TRPC5: variants seen among roughly 807,000 people sequenced by gnomAD.
The protein encoded by TRPC5 is transient receptor potential cation channel subfamily C member 5.
In TRPC5, 9 loss-of-function variants were observed where a neutral mutation model predicts 56.5. That is an observed-to-expected ratio of 0.16 (90% CI 0.10 to 0.28). The LOEUF is 0.28. Ranked by LOEUF, TRPC5 falls within the 10% of genes least tolerant of loss-of-function variation. The pLI, the probability that TRPC5 is intolerant of heterozygous loss-of-function variation, is 1.00. For synonymous variants in TRPC5, 282 were observed against 278.5 expected, an observed-to-expected ratio of 1.01 and a Z score of -0.13; for missense variants, 469 against 748.9, an observed-to-expected ratio of 0.63 and a Z score of 4.36.
chrX:111,896,110 GC>G (rs755876462), intron 3 of TRPC5: 1 of 111,061 alleles, frequency 9.0e-6, no homozygotes, highest in South Asian at 3.8e-4. Context: ...AGAAAAACTA[GC>G]CCTGCATTTT....
chrX:111,919,238 A>G (rs1428169002), intron 2 of TRPC5, among the ~76,000 whole-genome samples: 5 of 111,646 alleles, frequency 4.5e-5, no homozygotes, highest in Non-Finnish European at 9.4e-5. Context: ...GTAGCTAGCT[A>G]GAGGTTTGTA....
chrX:112,051,451 T>A (rs780243780), intron 1 of TRPC5, among the ~76,000 whole-genome samples: 2 of 111,649 alleles, frequency 1.8e-5, no homozygotes, highest in East Asian at 5.7e-4. Context: ...ATCCACTGTC[T>A]GCCTCAATAA....
At chrX:111,828,984 A>T (rs1922320327) in intron 7 of TRPC5, among the ~76,000 whole-genome samples, 1 of 112,016 alleles carries the variant, frequency 8.9e-6, no homozygotes, top group Non-Finnish European at 1.9e-5. Flanking sequence ...ATTTCAAAGC[A>T]GCAAAGCATT....
intron 7 of TRPC5, among the ~76,000 whole-genome samples, chrX:111,795,984 A>C (rs1171873537): frequency 9.1e-6 from 1 of 110,122 alleles, no homozygotes; most frequent in Non-Finnish European, 1.9e-5. Context: ...CAAGTCTTTG[A>C]GGTTCTGTTC....
intron 3 of TRPC5, among the ~76,000 whole-genome samples, chrX:111,910,823 C>A (rs761682583): frequency 2.8e-4 from 32 of 113,048 alleles, no homozygotes; most frequent in African/African-American, 8.7e-4. Flanking sequence ...TGAGCCACCA[C>A]ACCCCGCCCA....
intron 1 of TRPC5, among the ~76,000 whole-genome samples, chrX:111,979,944 G>A (rs1024442411): frequency 3.6e-5 from 4 of 111,525 alleles, no homozygotes; most frequent in Non-Finnish European, 3.8e-5. Context: ...TACATGTACC[G>A]TATGATCCAG....
At chrX:111,928,830 C>A (rs1017424728) in intron 2 of TRPC5, among the ~76,000 whole-genome samples, 2 of 112,241 alleles carry the variant, frequency 1.8e-5, no homozygotes, top group African/African-American at 3.2e-5. Context: ...TGCCCCACAT[C>A]TGAAACTTGA....
chrX:111,822,971 G>A (rs774633272), intron 7 of TRPC5, among the ~76,000 whole-genome samples: 4 of 111,623 alleles, frequency 3.6e-5, no homozygotes, highest in Admixed American at 1.9e-4. Context: ...TTTGGTTGCC[G>A]TTTAGGACAG....
At chrX:111,810,095 A>G (rs1296231562) in intron 7 of TRPC5, among the ~76,000 whole-genome samples, 3 of 110,146 alleles carry the variant, frequency 2.7e-5, no homozygotes, top group Non-Finnish European at 5.7e-5. Flanking sequence ...TTGTATTTTT[A>G]GTAGAGATGG....
chrX:111,880,293 AT>A (rs1924149403), intron 3 of TRPC5, among the ~76,000 whole-genome samples: 1 of 112,253 alleles, frequency 8.9e-6, no homozygotes, highest in Non-Finnish European at 1.9e-5. Flanking sequence ...TTGCCATCAT[AT>A]TCCCAGTCTC....
intron 3 of TRPC5, among the ~76,000 whole-genome samples, chrX:111,861,276 T>C (rs1260464697): frequency 8.9e-6 from 1 of 112,189 alleles, no homozygotes; most frequent in Non-Finnish European, 1.9e-5. Context: ...GAAAACTTTG[T>C]GGTGCTTTTA....
In TRPC5 at chrX:111,936,151, A is replaced by G. The variant is rs926081482; in HGVS notation, c.378+15892T>C. Among the ~76,000 whole-genome samples the G allele has an allele frequency of 8.1e-5, 9 of 111,120 alleles. No homozygotes were observed. In the East Asian group the frequency reaches 2.5e-3, roughly 31 times the overall value. On this transcript the variant is annotated intron_variant, in intron 2 of 10. Transcript: ENST00000262839. ...ATCTTGCCTCAGTGTTTTATAGTAT[A>G]AATTGTAGAAGTCTTTCACTTCTTT...
chrX:111,822,898 T>C (rs1236186195), intron 7 of TRPC5, among the ~76,000 whole-genome samples: 1 of 111,539 alleles, frequency 9.0e-6, no homozygotes, highest in Non-Finnish European at 1.9e-5. Context: ...CAATTACTGA[T>C]GTTCCCGATG....
At chrX:111,962,846 G>A (rs1927423046) in intron 1 of TRPC5, among the ~76,000 whole-genome samples, 1 of 111,900 alleles carries the variant, frequency 8.9e-6, no homozygotes, top group Non-Finnish European at 1.9e-5. Flanking sequence ...GCCGGGGGTG[G>A]AGCCAAGATG....
intron 8 of TRPC5, 82 bp from the exon 9 acceptor site, chrX:111,781,288 C>A (rs1271927694): frequency 1.1e-6 from 1 of 887,637 alleles, no homozygotes; most frequent in East Asian, 3.2e-5. Flanking sequence ...ATAATTATTT[C>A]TATATATTAG....
At chrX:111,899,750 G>A (rs906293336) in intron 3 of TRPC5, among the ~76,000 whole-genome samples, 2 of 111,312 alleles carry the variant, frequency 1.8e-5, no homozygotes, top group African/African-American at 6.5e-5. Flanking sequence ...TCCTTCTGAT[G>A]AGCTGATGCA....
chrX:111,953,363 T>A (rs917478244), intron 1 of TRPC5, among the ~76,000 whole-genome samples: 1 of 112,423 alleles, frequency 8.9e-6, no homozygotes, highest in African/African-American at 3.2e-5. Flanking sequence ...GCTCCTACAA[T>A]GTGTTTAAAC....
At chrX:111,884,309 G>A (rs898719744) in intron 3 of TRPC5, among the ~76,000 whole-genome samples, 1 of 112,462 alleles carries the variant, frequency 8.9e-6, no homozygotes, top group Non-Finnish European at 1.9e-5. Context: ...CCCAGTTTAG[G>A]CCTAAATCTA....
chrX:111,955,520 T>C lies in TRPC5; in HGVS notation c.-21-3079A>G, dbSNP rs1340810196. Among the ~76,000 whole-genome samples the C allele has an allele frequency of 3.6e-5, 4 of 112,007 alleles. No individual in the cohort carries two copies. The East Asian group carries it at 8.4e-4, about 24-fold the overall frequency. The stretch of plus-strand genomic sequence containing the variant: ...TGTTAAATAGTTATGCCCAGCTCTA[T>C]ACTACGAATAAAGAATAATGCAAAA... On this transcript the variant is annotated intron_variant, in intron 1 of 10. Transcript: ENST00000262839.
Sources: gnomAD v4.1 joint callset for allele counts (sites outside exome capture counted in the v4.1 genomes callset) on GRCh38, gnomAD v4.1.1 for gene constraint, MANE v1.5 for transcripts, NCBI Gene and HGNC (gene_info 2026-07-23, HGNC 2026-07-21) for gene names.